Variants in FHIT observed in about 807,000 individuals in gnomAD.
FHIT encodes fragile histidine triad diadenosine triphosphatase.
Under a neutral mutation model 17.9 loss-of-function variants are expected in FHIT, and 19 were observed. The ratio of observed to expected loss-of-function variants is 1.06; its 90% CI spans 0.74 to 1.56. The LOEUF is 1.56. FHIT is among the 40% of genes most tolerant of loss of function. The pLI is 0.00. For missense variants in FHIT, 248 were observed against 189.2 expected (o/e 1.31, Z -1.82); for synonymous variants, 81 against 69.7 (o/e 1.16, Z -0.81).
chr3:59,761,092 T>G (rs948524365), intron 8 of FHIT, among the ~76,000 whole-genome samples: 2 of 152,182 alleles, frequency 1.3e-5, no homozygotes, highest in African/African-American at 4.8e-5. Context: ...GCTATGATTT[T>G]CTTCTCAACC....
intron 8 of FHIT, among the ~76,000 whole-genome samples, chr3:59,881,234 T>C (rs1317762475): frequency 2.0e-5 from 3 of 152,134 alleles, no homozygotes; most frequent in Non-Finnish European, 4.4e-5. Context: ...GATACCTGCT[T>C]CTAGAGAGGC....
At chr3:60,255,173 T>C (rs1480266505) in intron 5 of FHIT, among the ~76,000 whole-genome samples, 3 of 152,152 alleles carry the variant, frequency 2.0e-5, no homozygotes, top group Non-Finnish European at 4.4e-5. Flanking sequence ...AACTTTTCTA[T>C]AAAGTTAATG....
chr3:61,178,550 G>A (rs4688311), intron 2 of FHIT, among the ~76,000 whole-genome samples: 3 of 29,498 alleles, frequency 1.0e-4, no homozygotes, highest in Middle Eastern at 8.5e-3. Flanking sequence ...AGAAAAAAAC[G>A]TTGTAATTAT....
chr3:59,774,423 G>T (rs2106848118), intron 8 of FHIT, among the ~76,000 whole-genome samples: 1 of 152,250 alleles, frequency 6.6e-6, no homozygotes, highest in South Asian at 2.1e-4. Flanking sequence ...ACCACTTTTT[G>T]GTGTGTGAGG....
chr3:60,962,979 G>C (rs894777518), intron 3 of FHIT, among the ~76,000 whole-genome samples: 2 of 152,158 alleles, frequency 1.3e-5, no homozygotes, highest in African/African-American at 2.4e-5. Context: ...TTTTTCTCTT[G>C]ATTGGAATGG....
chr3:59,831,544 C>G (rs1701164818), intron 8 of FHIT, among the ~76,000 whole-genome samples: 1 of 152,168 alleles, frequency 6.6e-6, no homozygotes, highest in Non-Finnish European at 1.5e-5. Context: ...CCAGCATTGA[C>G]ACAAACACAA....
At chr3:61,234,588 AC>A (rs1308784078) in intron 1 of FHIT, among the ~76,000 whole-genome samples, 1 of 152,254 alleles carries the variant, frequency 6.6e-6, no homozygotes, top group African/African-American at 2.4e-5. Flanking sequence ...AAAAAGCCAC[AC>A]ACTGAAATAT....
intron 2 of FHIT, among the ~76,000 whole-genome samples, chr3:61,185,777 G>A (rs949984898): frequency 2.0e-5 from 3 of 152,150 alleles, no homozygotes; most frequent in Non-Finnish European, 4.4e-5. Flanking sequence ...GTCACTTGGA[G>A]TCATCTCTGG....
At chr3:60,009,677 A>G (rs901526474) in intron 7 of FHIT, among the ~76,000 whole-genome samples, 3 of 152,210 alleles carry the variant, frequency 2.0e-5, no homozygotes, top group Middle Eastern at 3.2e-3. Context: ...TCACCATTTT[A>G]AAACGTACAA....
At chr3:60,854,753 C>T (rs527638602) in intron 3 of FHIT, among the ~76,000 whole-genome samples, 2 of 152,244 alleles carry the variant, frequency 1.3e-5, no homozygotes, top group South Asian at 2.1e-4. Context: ...CTTCCACATA[C>T]ATCTGCCCAG....
chr3:59,899,680 A>G (rs1704235933), intron 8 of FHIT, among the ~76,000 whole-genome samples: 1 of 151,708 alleles, frequency 6.6e-6, no homozygotes, highest in African/African-American at 2.4e-5. Context: ...CTAAAATACA[A>G]AAAAACAAAA....
At chr3:60,190,862 G>C (rs1271361781) in intron 5 of FHIT, among the ~76,000 whole-genome samples, 2 of 152,064 alleles carry the variant, frequency 1.3e-5, no homozygotes, top group Non-Finnish European at 2.9e-5. Flanking sequence ...AGAATCCCTT[G>C]AATCCGGGAG....
intron 3 of FHIT, among the ~76,000 whole-genome samples, chr3:60,925,200 T>C (rs1707521615): frequency 6.6e-6 from 1 of 151,990 alleles, no homozygotes; most frequent in Non-Finnish European, 1.5e-5. Context: ...ATTCAGGAAA[T>C]ACAGAGAACA....
intron 2 of FHIT, among the ~76,000 whole-genome samples, chr3:61,149,646 G>A (rs2107040433): frequency 6.6e-6 from 1 of 152,248 alleles, no homozygotes; most frequent in African/African-American, 2.4e-5. Flanking sequence ...GGGAGGCACA[G>A]ATGGGAGGAT....
chr3:60,325,243 C>T (rs1015638979), intron 5 of FHIT, among the ~76,000 whole-genome samples: 7 of 152,018 alleles, frequency 4.6e-5, no homozygotes, highest in Non-Finnish European at 7.4e-5. Flanking sequence ...TGTTAACTGG[C>T]CAGAGGGTTT....
At chr3:60,204,582 TTCCCAGCCTGAAAAG>T (rs111514033) in intron 5 of FHIT, among the ~76,000 whole-genome samples, 16,573 of 151,852 alleles carry the variant, frequency 0.11, 954 homozygotes, top group Middle Eastern at 0.15. Context: ...TGAGCCACCC[TTCCCAGCCTGAAAAG>T]GTATTTTTAA....
chr3:59,764,886 ACACACACACACACACACACAC>A (rs1701716517), intron 8 of FHIT, among the ~76,000 whole-genome samples: 1 of 26,852 alleles, frequency 3.7e-5, no homozygotes, highest in Non-Finnish European at 1.5e-4. Flanking sequence ...ACACACACAC[ACACACACACACACACACACAC>A]ACACACACAC....
chr3:59,774,585 T>C (rs1702219950), intron 8 of FHIT, among the ~76,000 whole-genome samples: 1 of 152,260 alleles, frequency 6.6e-6, no homozygotes, highest in Non-Finnish European at 1.5e-5. Context: ...AGGTTCTCAA[T>C]AAATGTTAGC....
chr3:60,153,364 GAAA>G (rs71089587), intron 5 of FHIT, among the ~76,000 whole-genome samples: 2,927 of 106,450 alleles, frequency 0.027, 79 homozygotes, highest in African/African-American at 0.095. Context: ...CAATTCACCA[GAAA>G]AAAAAAAAAA....
Sources: allele counts gnomAD v4.1 joint callset (sites outside exome capture counted in the v4.1 genomes callset), GRCh38; gene constraint gnomAD v4.1.1; transcripts MANE v1.5; gene names NCBI Gene and HGNC (gene_info 2026-07-23, HGNC 2026-07-21).